ANK2: variants seen among roughly 807,000 people sequenced by gnomAD.
The protein encoded by ANK2 is ankyrin 2.
A neutral mutation model predicts 360.5 loss-of-function variants in ANK2; 83 were observed. The ratio of observed to expected loss-of-function variants is 0.23; its 90% CI spans 0.19 to 0.28. ANK2 has a LOEUF of 0.28. Among genes scored for constraint, ANK2 ranks in the 10% least tolerant of loss-of-function variants. The probability of loss-of-function intolerance (pLI) is 1.00; values close to 1 mark genes in which losing one functional copy is unlikely to be tolerated. For missense variants in ANK2, 4,201 were observed against 4,795.7 expected (o/e 0.88, Z 3.66); for synonymous variants, 1,740 against 1,759.5 (o/e 0.99, Z 0.28).
chr4:113,370,777 T>C (rs989612771), intron 43 of ANK2, among the ~76,000 whole-genome samples: 1 of 151,914 alleles, frequency 6.6e-6, no homozygotes, highest in Non-Finnish European at 1.5e-5. Context: ...AAAAAAGAAA[T>C]TGATCAACAA....
upstream of ANK2, among the ~76,000 whole-genome samples, chr4:112,813,553 T>A (rs950222884): frequency 6.6e-6 from 1 of 152,002 alleles, no homozygotes. Flanking sequence ...ATTTATTTAT[T>A]GAGACAGGGT....
At chr4:112,824,736 A>G (rs908619011) in intron 1 of ANK2, among the ~76,000 whole-genome samples, 1 of 152,046 alleles carries the variant, frequency 6.6e-6, no homozygotes, top group Non-Finnish European at 1.5e-5. Context: ...ATTCCTGACC[A>G]GGTGATCTAC....
At chr4:113,380,788 C>T (rs13435752) in intron 45 of ANK2, among the ~76,000 whole-genome samples, 11,012 of 152,230 alleles carry the variant, frequency 0.072, 1,291 homozygotes, top group African/African-American at 0.25. Context: ...TTGGAGAATC[C>T]GGAGGAAGCA....
intron 1 of ANK2, among the ~76,000 whole-genome samples, chr4:112,830,672 G>A (rs116037094): frequency 0.096 from 14,569 of 151,962 alleles, 883 homozygotes; most frequent in Middle Eastern, 0.14. Context: ...GCTCGCTCTC[G>A]GCACCTCCTC....
intron 1 of ANK2, among the ~76,000 whole-genome samples, chr4:113,104,986 C>A (rs534087685): frequency 6.6e-6 from 1 of 151,640 alleles, no homozygotes; most frequent in Non-Finnish European, 1.5e-5. Flanking sequence ...GTTGTGGTAA[C>A]CCTAGAAAAT....
intron 45 of ANK2, 44 bp from the exon 46 acceptor site, chr4:113,381,413 G>A (rs775238226): frequency 6.2e-7 from 1 of 1,610,504 alleles, no homozygotes; most frequent in Admixed American, 1.7e-5. Flanking sequence ...GCTGCCCTCT[G>A]GCAGTGAAAA....
intron 38 of ANK2, 124 bp downstream of exon 38, chr4:113,359,423 T>C: frequency 8.0e-7 from 1 of 1,244,620 alleles, no homozygotes; most frequent in Non-Finnish European, 1.1e-6. Flanking sequence ...TAGTGGCTAA[T>C]GTGTTTGTGT....
At chr4:113,349,766 A>T (rs750567779) in intron 36 of ANK2, among the ~76,000 whole-genome samples, 11 of 152,084 alleles carry the variant, frequency 7.2e-5, no homozygotes, top group Non-Finnish European at 1.5e-4. Context: ...AGGGCAATAG[A>T]TCCAGTTCAT....
At chr4:113,103,087 A>G (rs2093137441) in intron 1 of ANK2, among the ~76,000 whole-genome samples, 1 of 149,214 alleles carries the variant, frequency 6.7e-6, no homozygotes, top group Non-Finnish European at 1.5e-5. Context: ...GTATATTTTA[A>G]TTTTAAAATA....
At chr4:113,336,433 T>G (rs1243314466) in intron 30 of ANK2, 144 bp from the exon 31 acceptor site, 1 of 817,180 alleles carries the variant, frequency 1.2e-6, no homozygotes, top group African/African-American at 1.7e-5. Flanking sequence ...ACTGAACTTA[T>G]GATTGCCATA....
chr4:113,021,946 TTTC>T (rs1356417525), intron 2 of ANK2, among the ~76,000 whole-genome samples: 2 of 152,210 alleles, frequency 1.3e-5, no homozygotes, highest in African/African-American at 4.8e-5. Flanking sequence ...CTAGCATGGC[TTTC>T]TTCATCGTCC....
chr4:112,791,991 G>A, the ANK2 span, among the ~76,000 whole-genome samples: 2 of 148,304 alleles, frequency 1.3e-5, no homozygotes, highest in South Asian at 4.3e-4. Context: ...TACTTTTACA[G>A]AACATAAACC....
intron 1 of ANK2, among the ~76,000 whole-genome samples, chr4:112,892,467 C>T (rs1050146548): frequency 3.9e-5 from 6 of 152,124 alleles, no homozygotes; most frequent in African/African-American, 1.4e-4. Flanking sequence ...TAACATCCTG[C>T]TTATTATAGA....
At chr4:113,247,064 A>T (rs867196991) in intron 9 of ANK2, among the ~76,000 whole-genome samples, 38 of 152,190 alleles carry the variant, frequency 2.5e-4, no homozygotes, top group African/African-American at 8.7e-4. Context: ...TAAAGAAACT[A>T]CATAAGTGGC....
the ANK2 span, among the ~76,000 whole-genome samples, chr4:112,730,252 CAAAAAAAA>C: frequency 2.8e-4 from 14 of 50,900 alleles, no homozygotes; most frequent in Admixed American, 6.4e-4. Flanking sequence ...GACTCTGTCT[CAAAAAAAA>C]AAAAAAAAAA....
At chr4:112,714,507 C>T in the ANK2 span, among the ~76,000 whole-genome samples, 1 of 152,108 alleles carries the variant, frequency 6.6e-6, no homozygotes, top group African/African-American at 2.4e-5. Context: ...ATACAATTTC[C>T]CATTTAAACA....
At chr4:113,062,331 T>G (rs1416477366) in intron 1 of ANK2, among the ~76,000 whole-genome samples, 6 of 152,100 alleles carry the variant, frequency 3.9e-5, no homozygotes, top group Admixed American at 3.3e-4. Context: ...CATTTCAGTT[T>G]AATATTTTAA....
At chr4:112,802,616 T>G in the ANK2 span, among the ~76,000 whole-genome samples, 4 of 152,150 alleles carry the variant, frequency 2.6e-5, no homozygotes, top group Non-Finnish European at 4.4e-5. Context: ...TATGCTGTTT[T>G]TGCACAAAGC....
intron 2 of ANK2, among the ~76,000 whole-genome samples, chr4:112,929,128 C>T (rs2092911242): frequency 6.6e-6 from 1 of 152,208 alleles, no homozygotes; most frequent in Non-Finnish European, 1.5e-5. Flanking sequence ...GCTGGGATTA[C>T]AGGCGTGAGC....
Sources: gnomAD v4.1 joint callset for allele counts (sites outside exome capture counted in the v4.1 genomes callset) on GRCh38, gnomAD v4.1.1 for gene constraint, MANE v1.5 for transcripts, NCBI Gene and HGNC (gene_info 2026-07-23, HGNC 2026-07-21) for gene names.